Variants in PTPRG observed in about 807,000 individuals in gnomAD.
PTPRG encodes the protein receptor-type tyrosine-protein phosphatase gamma.
In PTPRG, 102 loss-of-function variants were observed where a neutral mutation model predicts 165.3. The ratio of observed to expected loss-of-function variants is 0.62; its 90% confidence interval spans 0.53 to 0.73. PTPRG has a LOEUF of 0.73. Among genes scored for constraint, PTPRG ranks in the 30% least tolerant of loss-of-function variants. PTPRG has a pLI of 0.00. For synonymous variants in PTPRG, 675 were observed against 669.5 expected, an observed-to-expected ratio of 1.01 and a Z score of -0.13; for missense variants, 1,866 against 1,861.4, an observed-to-expected ratio of 1.00 and a Z score of -0.05.
intron 2 of PTPRG, among the ~76,000 whole-genome samples, chr3:61,974,576 A>G (rs528333544): frequency 5.3e-5 from 8 of 152,160 alleles, no homozygotes; most frequent in African/African-American, 1.7e-4. Context: ...TTTTTTAAAT[A>G]TGTCCTTTAT....
At chr3:62,239,349 C>CTTTTTTTTT (rs1168589653) in intron 14 of PTPRG, among the ~76,000 whole-genome samples, 2 of 144,074 alleles carry the variant, frequency 1.4e-5, no homozygotes, top group African/African-American at 5.1e-5. Context: ...TTCTTTCTTT[C>CTTTTTTTTT]TTTTTTCTTT....
At chr3:61,826,287 G>A (rs2036108027) in intron 2 of PTPRG, among the ~76,000 whole-genome samples, 1 of 152,138 alleles carries the variant, frequency 6.6e-6, no homozygotes. Flanking sequence ...GTAGTATATA[G>A]TGAATATCAA....
chr3:62,282,609 C>T lies in PTPRG; in HGVS notation c.3913-118C>T, dbSNP rs998720519. The T allele has an allele frequency of 6.5e-5, 64 of 981,736 alleles. No homozygotes were observed. The Middle Eastern group carries it at 6.8e-4, about 10-fold the overall frequency. 60.8% of individuals were successfully genotyped at this position (981,736 alleles called of 1,614,324 possible). On this transcript the variant is annotated intron_variant, in intron 27 of 29. Coordinates refer to ENST00000474889, the MANE Select transcript of PTPRG (RefSeq NM_002841.4). ...TTCTTTCCAGCTGTGGTTTGGTTAA[C>T]ACAACATTGTTGAGAGTTACCTATA... is the stretch of plus-strand genomic sequence containing the variant.
rs2086615385 is a variant in PTPRG at position 62,224,305 on chromosome 3, G to C, written c.2288+5322G>C. Among the ~76,000 whole-genome samples, 1 of 152,152 alleles carries C rather than the reference G, an allele frequency of 6.6e-6. No homozygotes were observed. The highest frequency in any genetic ancestry group is 2.1e-4 in the South Asian group (1 of 4,826). On this transcript the variant is annotated intron_variant, in intron 13 of 29. Coordinates refer to ENST00000474889, the MANE Select transcript of PTPRG (RefSeq NM_002841.4). This position sits in a 1 kb window ranked among gnomAD's most constrained non-coding sequence, Gnocchi z 4.9. ...CCCCAGTGGCTTAATAACACACAAA[G>C]GTTTATTTCCCACCCACGTGAGGTC...
In PTPRG at chr3:61,804,033, G is replaced by C. The variant is rs566940267; in HGVS notation, c.190+55051G>C. On this transcript the variant is annotated intron_variant, in intron 2 of 29. Coordinates refer to ENST00000474889, the MANE Select transcript of PTPRG (RefSeq NM_002841.4). The stretch of plus-strand genomic sequence containing the variant: ...CACATTCATTCATGGAGAAAGAGTG[G>C]AATGCAGGTTCGTAGTAAAGAAAAA... 6.5e-4 allele frequency among the ~76,000 whole-genome samples: 99 copies of C among 152,220 alleles called. 1 individual carries two copies. Among genetic ancestry groups the C allele is most frequent in the African/African-American group, 2.2e-3 (91 of 41,544 alleles).
intron 1 of PTPRG, among the ~76,000 whole-genome samples, chr3:61,719,948 CT>C (rs2031978964): frequency 6.6e-6 from 1 of 152,162 alleles, no homozygotes; most frequent in African/African-American, 2.4e-5. Flanking sequence ...TTCCTAAGGC[CT>C]TTGCTGGCCG....
intron 29 of PTPRG, 77 bp from the exon 30 acceptor site, chr3:62,293,084 T>C: frequency 7.9e-7 from 1 of 1,261,644 alleles, no homozygotes; most frequent in Non-Finnish European, 1.1e-6. Context: ...ACAATTACCA[T>C]TTTAATTGGT....
chr3:62,078,330 T>A (rs1036955637), intron 5 of PTPRG, 72 bp downstream of exon 5: 8 of 1,054,388 alleles, frequency 7.6e-6, no homozygotes. Context: ...AATTGTTCCA[T>A]GTTTAATGAA....
chr3:61,716,087 C>G (rs1483864784), intron 1 of PTPRG, among the ~76,000 whole-genome samples: 1 of 152,100 alleles, frequency 6.6e-6, no homozygotes, highest in Non-Finnish European at 1.5e-5. Context: ...AGAAATGGCT[C>G]TAAGCTCTCA....
intron 1 of PTPRG, among the ~76,000 whole-genome samples, chr3:61,685,749 A>G (rs565523974): frequency 2.6e-5 from 4 of 152,166 alleles, no homozygotes; most frequent in Non-Finnish European, 5.9e-5. Context: ...CTTCTGTCAC[A>G]TGTAGTTTAT....
chr3:62,220,733 T>C (rs1490713973), intron 13 of PTPRG, among the ~76,000 whole-genome samples: 1 of 152,214 alleles, frequency 6.6e-6, no homozygotes, highest in Non-Finnish European at 1.5e-5. Flanking sequence ...ATTGGTAAAC[T>C]GGAGGCCACC....
intron 28 of PTPRG, among the ~76,000 whole-genome samples, chr3:62,285,642 A>G (rs547745097): frequency 3.9e-4 from 59 of 152,220 alleles, no homozygotes; most frequent in African/African-American, 1.2e-3. Context: ...CACAGCTTAA[A>G]GACAAACTGC....
chr3:61,678,773 CTCTT>C (rs1458702294), intron 1 of PTPRG, among the ~76,000 whole-genome samples: 4 of 152,128 alleles, frequency 2.6e-5, no homozygotes, highest in African/African-American at 9.7e-5. Context: ...AACACGTGTA[CTCTT>C]TCTATTGGTT....
chr3:61,804,661 C>A (rs1336452071), intron 2 of PTPRG, among the ~76,000 whole-genome samples: 1 of 149,580 alleles, frequency 6.7e-6, no homozygotes, highest in East Asian at 2.0e-4. Flanking sequence ...TTTTTCTTTT[C>A]CTGTGTCTTT....
chr3:61,966,829 C>A (rs2107652284), intron 2 of PTPRG, among the ~76,000 whole-genome samples: 1 of 152,294 alleles, frequency 6.6e-6, no homozygotes, highest in East Asian at 1.9e-4. Flanking sequence ...GCATAGCAAG[C>A]ACTTTGTTTC....
chr3:61,577,158 C>G (rs1396150159), intron 1 of PTPRG, among the ~76,000 whole-genome samples: 1 of 152,070 alleles, frequency 6.6e-6, no homozygotes, highest in East Asian at 1.9e-4. Flanking sequence ...TTTGAGTGGT[C>G]CTCTGATCAG....
intron 5 of PTPRG, among the ~76,000 whole-genome samples, chr3:62,085,287 G>A (rs754095031): frequency 3.8e-4 from 58 of 152,270 alleles, no homozygotes; most frequent in Middle Eastern, 3.4e-3. Context: ...GTTTGTGTCA[G>A]AAGTGTAAGA....
At chr3:61,879,956 C>T (rs1379118981) in intron 2 of PTPRG, among the ~76,000 whole-genome samples, 1 of 152,208 alleles carries the variant, frequency 6.6e-6, no homozygotes, top group Non-Finnish European at 1.5e-5. Context: ...GGATTGTCTT[C>T]ACTACAGCCT....
At chr3:61,740,589 A>G (rs1362615070) in intron 1 of PTPRG, among the ~76,000 whole-genome samples, 1 of 152,112 alleles carries the variant, frequency 6.6e-6, no homozygotes, top group Admixed American at 6.5e-5. Flanking sequence ...ATTTAAGAGT[A>G]AAATAATAGA....
Sources: gnomAD v4.1 joint callset for allele counts (sites outside exome capture counted in the v4.1 genomes callset) on GRCh38, gnomAD v4.1.1 for gene constraint, Gnocchi (gnomAD v3.1) non-coding constraint, MANE v1.5 for transcripts, NCBI Gene and HGNC (gene_info 2026-07-23, HGNC 2026-07-21) for gene names.